Variants in RBM34 observed in about 807,000 individuals in gnomAD.
The protein encoded by RBM34 is RNA binding motif protein 34.
In RBM34, 39 loss-of-function variants were observed where a neutral mutation model predicts 44.6. The observed-to-expected ratio is 0.87, with a 90% CI of 0.68 to 1.14. The LOEUF (loss-of-function observed/expected upper bound fraction) is 1.14, where lower values mean the gene tolerates loss of function less well. RBM34 is among the 50% of genes most tolerant of loss of function. The pLI is 0.00. For synonymous variants in RBM34, 194 were observed against 184.0 expected (o/e 1.05, Z -0.44); for missense variants, 572 against 517.9 (o/e 1.10, Z -1.01).
chr1:235,160,483 T>C (rs780207384), intron 3 of RBM34, 28 bp downstream of exon 3: 11 of 1,593,372 alleles, frequency 6.9e-6, no homozygotes, highest in Middle Eastern at 1.7e-4. Flanking sequence ...CTAATTTCTT[T>C]AACATCAAAT....
At chr1:235,143,382 A>T (rs1558141717) in intron 6 of RBM34, among the ~76,000 whole-genome samples, 1 of 152,160 alleles carries the variant, frequency 6.6e-6, no homozygotes. Context: ...CCGTACCCAA[A>T]TTTTTTTTAG....
At position 235,149,170 on chromosome 1, in the gene RBM34, C is replaced by T. The variant is rs543792422; in HGVS notation, c.658-723G>A. On this transcript the variant is annotated intron_variant, in intron 5 of 10. Transcript: ENST00000408888. ...TTGGGAGGCCAAGGCGGGCGGATCA[C>T]GAGGTCAGGAGGTTGAGACCATCCT... Among the ~76,000 whole-genome samples, 88 of 151,662 alleles carry T rather than the reference C, an allele frequency of 5.8e-4. No individual in the cohort carries two copies. The East Asian group carries it at 9.9e-3, about 17-fold the overall frequency.
chr1:235,156,469 C>T (rs1371204984), intron 3 of RBM34: 2 of 293,024 alleles, frequency 6.8e-6, no homozygotes, highest in African/African-American at 4.5e-5. Context: ...GGCACTATCA[C>T]ACTCCCTGAG....
chr1:235,156,402 AGATT>A (rs2102862926), intron 3 of RBM34, among the ~76,000 whole-genome samples: 1 of 152,310 alleles, frequency 6.6e-6, no homozygotes, highest in South Asian at 2.1e-4. Flanking sequence ...AAGCTCTTGG[AGATT>A]TAGTTTACAC....
chr1:235,155,020 G>A lies in RBM34; in HGVS notation c.458C>T (p.Ala153Val). The change falls in exon 4 of 11, where the codon GCA (alanine) becomes GTA (valine). Residue 153 changes from alanine (A) to valine (V), a missense_variant. Ala to Val is a moderately conservative substitution (Grantham distance 64, BLOSUM62 0). Transcript: ENST00000408888. ...RKNSQPGVKVADRKILDDTED... is the reference protein window; with the variant it reads ...RKNSQPGVKVVDRKILDDTED... ...TGTGTCATCAAGTATTTTTCTATCT[G>A]CTACTTTAACACCAGGTTGAGAATT... The A allele has an allele frequency of 6.2e-7, 1 of 1,613,896 alleles. No homozygotes were observed.
At chr1:235,154,370 G>A (rs1662305146) in intron 4 of RBM34, among the ~76,000 whole-genome samples, 2 of 150,306 alleles carry the variant, frequency 1.3e-5, no homozygotes, top group African/African-American at 4.9e-5. Context: ...CCAGGAGTTT[G>A]AGACCAGCCT....
In RBM34 at chr1:235,131,702, G is replaced by C; in HGVS notation, c.*11C>G. ...GTACTCAGCAGGAAAAGAAAAAGCA[G>C]TTCCTGGTTGTTATTTCTGTTTTCT... On this transcript the variant is annotated 3_prime_UTR_variant, in exon 11 of 11. Coordinates refer to ENST00000408888, the MANE Select transcript of RBM34 (RefSeq NM_015014.4). 1 of 1,579,632 alleles carries C rather than the reference G, an allele frequency of 6.3e-7. No homozygotes were observed. The highest frequency in any genetic ancestry group is 8.6e-7 in the Non-Finnish European group (1 of 1,167,308).
chr1:235,154,859 C>G (rs751654642), intron 4 of RBM34, 22 bp downstream of exon 4: 3 of 1,582,168 alleles, frequency 1.9e-6, no homozygotes, highest in African/African-American at 2.7e-5. Context: ...CTTCTCTGAA[C>G]TTTTACCATA....
intron 5 of RBM34, among the ~76,000 whole-genome samples, chr1:235,151,139 G>GA (rs1558146199): frequency 2.0e-5 from 3 of 152,296 alleles, no homozygotes; most frequent in African/African-American, 7.2e-5. Context: ...AAGGAAAAAA[G>GA]AAAGGAATGA....
chr1:235,158,351 G>A (rs966800264), intron 3 of RBM34, among the ~76,000 whole-genome samples: 2 of 151,858 alleles, frequency 1.3e-5, no homozygotes, highest in Non-Finnish European at 2.9e-5. Context: ...CAGAGGCGGA[G>A]GTTGCAGTGA....
chr1:235,153,868 G>A (rs1395466275), intron 4 of RBM34, among the ~76,000 whole-genome samples: 3 of 152,168 alleles, frequency 2.0e-5, no homozygotes, highest in Non-Finnish European at 2.9e-5. Flanking sequence ...TTCAGTGATC[G>A]TCACACAACG....
intron 6 of RBM34, among the ~76,000 whole-genome samples, chr1:235,141,238 G>A (rs1317231639): frequency 1.3e-5 from 2 of 151,460 alleles, no homozygotes; most frequent in African/African-American, 4.9e-5. Context: ...TCTAGCTCAG[G>A]GGTTGTAAAT....
At chr1:235,137,584 T>C (rs1661479367) in intron 8 of RBM34, among the ~76,000 whole-genome samples, 1 of 150,404 alleles carries the variant, frequency 6.6e-6, no homozygotes, top group Admixed American at 6.7e-5. Flanking sequence ...GCTACATTGC[T>C]CAGGCTGCTC....
chr1:235,144,499 T>TA (rs67277220), intron 6 of RBM34, among the ~76,000 whole-genome samples: 73,829 of 132,090 alleles, frequency 0.56, 19,675 homozygotes, highest in South Asian at 0.63. Flanking sequence ...CTTAATAAAC[T>TA]AAAAAAAAAA....
intron 3 of RBM34, among the ~76,000 whole-genome samples, chr1:235,158,878 GAGA>G (rs1163940201): frequency 6.6e-6 from 1 of 151,846 alleles, no homozygotes; most frequent in African/African-American, 2.4e-5. Flanking sequence ...AGCACTTGGG[GAGA>G]CGGAGGTAGG....
At chr1:235,159,574 T>A (rs914303474) in intron 3 of RBM34, among the ~76,000 whole-genome samples, 1 of 150,342 alleles carries the variant, frequency 6.7e-6, no homozygotes, top group Non-Finnish European at 1.5e-5. Flanking sequence ...ATTTTTTTTT[T>A]AAAAAGCAAA....
At chr1:235,143,289 A>G (rs558002078) in intron 6 of RBM34, among the ~76,000 whole-genome samples, 2 of 152,394 alleles carry the variant, frequency 1.3e-5, no homozygotes, top group Admixed American at 1.3e-4. Flanking sequence ...ACACTTTGGA[A>G]AACAATTTTG....
At chr1:235,140,387 C>CGGCCCTGCA (rs1347108635) in intron 6 of RBM34, among the ~76,000 whole-genome samples, 2 of 152,116 alleles carry the variant, frequency 1.3e-5, no homozygotes, top group Admixed American at 6.5e-5. Flanking sequence ...AGCAGCCGGC[C>CGGCCCTGCA]GGCCCTGCAG....
intron 4 of RBM34, among the ~76,000 whole-genome samples, chr1:235,154,322 A>G (rs1662302683): frequency 6.6e-6 from 1 of 151,840 alleles, no homozygotes; most frequent in Non-Finnish European, 1.5e-5. Flanking sequence ...TTGAAGTCCC[A>G]GCACCTTGGG....
Sources: gnomAD v4.1 joint callset for allele counts (sites outside exome capture counted in the v4.1 genomes callset) on GRCh38, gnomAD v4.1.1 for gene constraint, MANE v1.5 for transcripts, NCBI Gene and HGNC (gene_info 2026-07-23, HGNC 2026-07-21) for gene names.